Variants in SGTB observed in about 807,000 individuals in gnomAD.
SGTB encodes small glutamine-rich tetratricopeptide repeat-containing protein beta.
Under a neutral mutation model 43.9 loss-of-function variants are expected in SGTB, and 19 were observed. The ratio of observed to expected loss-of-function variants is 0.43; its 90% CI spans 0.30 to 0.63. The LOEUF (loss-of-function observed/expected upper bound fraction) is 0.63. Among genes scored for constraint, SGTB ranks in the 30% least tolerant of loss-of-function variants. SGTB has a pLI of 0.12. For missense variants in SGTB, 304 were observed against 358.9 expected (o/e 0.85, Z 1.24); for synonymous variants, 116 against 117.3 (o/e 0.99, Z 0.07).
intron 6 of SGTB, among the ~76,000 whole-genome samples, chr5:65,683,100 A>C (rs1314469789): frequency 6.6e-6 from 1 of 151,938 alleles, no homozygotes; most frequent in Non-Finnish European, 1.5e-5. Flanking sequence ...TCATAAATAT[A>C]TTTTCTCCAT....
At chr5:65,707,440 AT>A (rs1415070320) in intron 4 of SGTB, among the ~76,000 whole-genome samples, 142 of 126,144 alleles carry the variant, frequency 1.1e-3, no homozygotes, top group Middle Eastern at 4.1e-3. Context: ...ACACACATAT[AT>A]TTTTTTTTTT....
At chr5:65,722,509 G>A, upstream of SGTB, 1 of 1,172,416 alleles carries the variant, frequency 8.5e-7, no homozygotes, top group Non-Finnish European at 1.2e-6. Flanking sequence ...TCCCGACCGC[G>A]CCTCTCCGAC....
intron 8 of SGTB, among the ~76,000 whole-genome samples, chr5:65,679,629 AAACAAC>A (rs763946726): frequency 6.6e-6 from 1 of 152,078 alleles, no homozygotes; most frequent in Non-Finnish European, 1.5e-5. Flanking sequence ...AAAAACAAAC[AAACAAC>A]AACAACAACA....
chr5:65,674,097 T>C (rs1319257008), intron 8 of SGTB, among the ~76,000 whole-genome samples: 1 of 152,228 alleles, frequency 6.6e-6, no homozygotes, highest in Non-Finnish European at 1.5e-5. Flanking sequence ...ACTGGTATTA[T>C]CTTACTAGTT....
At chr5:65,676,582 G>A (rs907332109) in intron 8 of SGTB, among the ~76,000 whole-genome samples, 9 of 152,050 alleles carry the variant, frequency 5.9e-5, no homozygotes, top group African/African-American at 2.2e-4. Flanking sequence ...GGATCAAGTG[G>A]ACCTGATATC....
At chr5:65,711,581 G>T (rs1020372260) in intron 3 of SGTB, among the ~76,000 whole-genome samples, 2 of 152,158 alleles carry the variant, frequency 1.3e-5, no homozygotes, top group Non-Finnish European at 2.9e-5. Context: ...TCACCAAAGG[G>T]AAGAAAAAGG....
chr5:65,703,403 G>A (rs1245155338), intron 5 of SGTB, among the ~76,000 whole-genome samples: 1 of 152,192 alleles, frequency 6.6e-6, no homozygotes, highest in East Asian at 1.9e-4. Flanking sequence ...GAACAAAGGT[G>A]AATCTAAAAA....
intron 9 of SGTB, 106 bp downstream of exon 9, chr5:65,672,138 C>T: frequency 1.9e-6 from 3 of 1,579,520 alleles, no homozygotes; most frequent in Non-Finnish European, 1.7e-6. Flanking sequence ...CTCCAACTGA[C>T]TGTCATTCAG....
intron 5 of SGTB, 95 bp downstream of exon 5, chr5:65,704,184 A>C: frequency 1.0e-6 from 1 of 957,472 alleles, no homozygotes; most frequent in African/African-American, 1.7e-5. Flanking sequence ...CTGAACTTTC[A>C]AAATTTTCTA....
At chr5:65,719,509 A>G (rs1221457073) in intron 2 of SGTB, among the ~76,000 whole-genome samples, 1 of 152,040 alleles carries the variant, frequency 6.6e-6, no homozygotes, top group African/African-American at 2.4e-5. Context: ...GGGAGGATCA[A>G]TTGAGCCCAG....
intron 4 of SGTB, among the ~76,000 whole-genome samples, chr5:65,707,393 T>TAC (rs1561164781): frequency 1.6e-5 from 2 of 125,202 alleles, no homozygotes; most frequent in East Asian, 4.3e-4. Flanking sequence ...CAGCTGATTT[T>TAC]ATACACACAC....
At chr5:65,709,580 T>C (rs974514907) in intron 3 of SGTB, among the ~76,000 whole-genome samples, 9 of 152,196 alleles carry the variant, frequency 5.9e-5, no homozygotes, top group African/African-American at 2.2e-4. Flanking sequence ...GGTTTTACCA[T>C]GTTGGCCACA....
chr5:65,714,578 G>A (rs1196468023), intron 2 of SGTB, among the ~76,000 whole-genome samples: 1 of 152,200 alleles, frequency 6.6e-6, no homozygotes, highest in Non-Finnish European at 1.5e-5. Flanking sequence ...ACTTTGGGAG[G>A]CTGAGGCAGG....
intron 6 of SGTB, 109 bp from the exon 7 acceptor site, chr5:65,680,903 T>C (rs1757384222): frequency 3.3e-6 from 4 of 1,199,144 alleles, no homozygotes; most frequent in Non-Finnish European, 4.6e-6. Context: ...TAATCCAGAT[T>C]ACACTTAATT....
chr5:65,688,434 G>A (rs972292046), intron 5 of SGTB, among the ~76,000 whole-genome samples: 1 of 152,166 alleles, frequency 6.6e-6, no homozygotes, highest in Non-Finnish European at 1.5e-5. Context: ...CTTCAAAACA[G>A]TTTACTTGTC....
intron 2 of SGTB, 54 bp from the exon 3 acceptor site, chr5:65,713,118 AGT>A: frequency 1.5e-6 from 2 of 1,340,458 alleles, no homozygotes; most frequent in South Asian, 2.6e-5. Context: ...AAAAGAAACA[AGT>A]TTTTTTTTTC....
At chr5:65,705,647 T>C (rs1362370503) in intron 4 of SGTB, among the ~76,000 whole-genome samples, 1 of 152,092 alleles carries the variant, frequency 6.6e-6, no homozygotes, top group Non-Finnish European at 1.5e-5. Context: ...AAAAACAGAA[T>C]ATTCAAATTA....
rs1021132146 is a variant in SGTB, at chr5:65,717,182, G to C, written c.100+3526C>G. 2.0e-5 allele frequency among the ~76,000 whole-genome samples: 3 copies of C among 152,152 alleles called. No individual in the cohort carries two copies. In the East Asian group the frequency reaches 5.8e-4, roughly 29 times the overall value. On this transcript the variant is annotated intron_variant, in intron 2 of 10. Coordinates refer to ENST00000381007, the MANE Select transcript of SGTB (RefSeq NM_019072.3). ...CCTTGATGAGAGTGGTATAGATTGAGAGATTGAGGCAAAGGCTTAATCAGA... is the reference window on the plus strand; with the variant it reads ...CCTTGATGAGAGTGGTATAGATTGACAGATTGAGGCAAAGGCTTAATCAGA...
intron 5 of SGTB, among the ~76,000 whole-genome samples, chr5:65,692,373 C>G (rs933041001): frequency 6.6e-6 from 1 of 152,150 alleles, no homozygotes; most frequent in African/African-American, 2.4e-5. Flanking sequence ...AACAATAGAT[C>G]TGGTGGTCAT....
Sources: gnomAD v4.1 joint callset for allele counts (sites outside exome capture counted in the v4.1 genomes callset) on GRCh38, gnomAD v4.1.1 for gene constraint, MANE v1.5 for transcripts, NCBI Gene and HGNC (gene_info 2026-07-23, HGNC 2026-07-21) for gene names.